The following LRP5 variants were observed in gnomAD, a reference collection of about 807,000 sequenced individuals.
LRP5 encodes the protein LDL receptor related protein 5.
In LRP5, 62 loss-of-function variants were observed where a neutral mutation model predicts 154.1. That is an observed-to-expected ratio of 0.40 (90% CI 0.33 to 0.50). The LOEUF (loss-of-function observed/expected upper bound fraction) is 0.50. Ranked by LOEUF, LRP5 falls within the 20% of genes least tolerant of loss-of-function variation. The pLI is 0.55. For synonymous variants in LRP5, 966 were observed against 1,011.5 expected, an observed-to-expected ratio of 0.96 and a Z score of 0.85; for missense variants, 1,915 against 2,336.7, an observed-to-expected ratio of 0.82 and a Z score of 3.72.
At position 68,410,067 on chromosome 11, in the gene LRP5, G is replaced by A. The variant is rs1206599136; in HGVS notation, c.2245G>A (p.Gly749Arg). Reference protein sequence around the residue: ...TNRIEVARLDGQFRQVLVWRD... With the variant: ...TNRIEVARLDRQFRQVLVWRD... The stretch of plus-strand genomic sequence containing the variant: ...CAGAATCGAAGTGGCGCGGCTGGAC[G>A]GGCAGTTCCGGCAAGTCCTCGTGTG... Residue 749 changes from glycine (G) to arginine (R), a missense_variant, in exon 10 of 23, where the codon GGG (glycine) becomes AGG (arginine). This residue lies in a region of LRP5 where 773 missense variants were observed against 1,100.9 expected (regional missense o/e 0.70). Coordinates refer to ENST00000294304, the MANE Select transcript of LRP5 (RefSeq NM_002335.4). 2 of 1,613,984 alleles carry A rather than the reference G, an allele frequency of 1.2e-6. No individual in the cohort carries two copies. The highest frequency in any genetic ancestry group is 1.1e-5 in the South Asian group (1 of 91,080).
At chr11:68,367,560 A>G (rs989518427) in intron 5 of LRP5, among the ~76,000 whole-genome samples, 2 of 152,160 alleles carry the variant, frequency 1.3e-5, no homozygotes, top group African/African-American at 4.8e-5. Flanking sequence ...GCCTTCTCAG[A>G]GTTTGTTTTC....
At chr11:68,426,987 C>G (rs2098669136) in intron 16 of LRP5, among the ~76,000 whole-genome samples, 1 of 152,202 alleles carries the variant, frequency 6.6e-6, no homozygotes, top group African/African-American at 2.4e-5. Context: ...CCGTGGCCCT[C>G]TCTGCCTCAG....
At chr11:68,421,557 A>G (rs942418552) in intron 13 of LRP5, among the ~76,000 whole-genome samples, 1 of 152,188 alleles carries the variant, frequency 6.6e-6, no homozygotes, top group African/African-American at 2.4e-5. Context: ...GAATTTGTTC[A>G]GTTGGCTTTG....
At chr11:68,309,502 G>A (rs530411391), upstream of LRP5, among the ~76,000 whole-genome samples, 4 of 151,844 alleles carry the variant, frequency 2.6e-5, no homozygotes, top group Non-Finnish European at 5.9e-5. Context: ...CAAAGTGCTG[G>A]GATTATAGGT....
chr11:68,433,788 G>A lies in LRP5; in HGVS notation c.3950G>A (p.Cys1317Tyr). Residue 1317 changes from cysteine (C) to tyrosine (Y), a missense_variant, in exon 18 of 23, where the codon TGC becomes TAC. This residue lies in a region of LRP5 where 1,094 missense variants were observed against 1,210.1 expected (regional missense o/e 0.90). Transcript: ENST00000294304. ...CAGTGTGTGGACCTGCGCCTGCGCT[G>A]CGACGGCGAGGCAGACTGTCAGGAC... Reference protein sequence around the residue: ...RGQCVDLRLRCDGEADCQDRS... With the variant: ...RGQCVDLRLRYDGEADCQDRS... 1.9e-6 allele frequency: 3 copies of A among 1,612,618 alleles called. No individual in the cohort carries two copies. The highest frequency in any genetic ancestry group is 2.5e-6 in the Non-Finnish European group (3 of 1,179,736).
At chr11:68,300,239 A>C in the LRP5 span, among the ~76,000 whole-genome samples, 1 of 148,928 alleles carries the variant, frequency 6.7e-6, no homozygotes, top group Non-Finnish European at 1.5e-5. Context: ...TTACAAGCTG[A>C]GGAGATGGAG....
Position 68,413,627 on chromosome 11 carries a change from G to T in LRP5, c.2504-62G>T. ...TGAACCCTGGCTCACCCCGCAGGGCGCCGTGTGCTCTGTGGCCTGGCTGTG... is the reference window on the plus strand; with the variant it reads ...TGAACCCTGGCTCACCCCGCAGGGCTCCGTGTGCTCTGTGGCCTGGCTGTG... On this transcript the variant is annotated intron_variant, in intron 11 of 22. Coordinates refer to ENST00000294304, the MANE Select transcript of LRP5 (RefSeq NM_002335.4). This position sits in a 1 kb window ranked among gnomAD's most constrained non-coding sequence, Gnocchi z 5.1. 1 of 1,473,664 alleles carries T rather than the reference G, an allele frequency of 6.8e-7. No homozygotes were observed. The allele number at this position is 1,473,664 out of a possible 1,614,324, so 91.3% of individuals were successfully genotyped here. A position where few individuals can be genotyped will look rare whatever the true frequency, so the allele number is the denominator to read the frequency against.
intron 21 of LRP5, 86 bp downstream of exon 21, chr11:68,440,002 G>T: frequency 7.8e-7 from 1 of 1,283,110 alleles, no homozygotes; most frequent in Non-Finnish European, 1.0e-6. Flanking sequence ...AGGCTTCCCG[G>T]GTTCCTGGGG....
At chr11:68,409,051 G>GAAAAA (rs57069059) in intron 9 of LRP5, among the ~76,000 whole-genome samples, 3 of 51,420 alleles carry the variant, frequency 5.8e-5, no homozygotes, top group African/African-American at 2.7e-4. Flanking sequence ...CTTATCTGGG[G>GAAAAA]AAAAAAAAAA....
rs1174352982 is a variant in LRP5 at position 68,357,670 on chromosome 11, G to T, written c.509G>T (p.Trp170Leu). ...CACAGGTACATGTACTGGACAGACT[G>T]GGGTGAGACGCCCCGGATTGAGCGG... ...PAHGYMYWTDWGETPRIERAG... is the reference protein window; with the variant it reads ...PAHGYMYWTDLGETPRIERAG... The change falls in exon 3 of 23, where the codon TGG becomes TTG. Residue 170 changes from tryptophan (W) to leucine (L), a missense_variant. This residue lies in a region of LRP5 where 773 missense variants were observed against 1,100.9 expected (regional missense o/e 0.70). Coordinates refer to ENST00000294304, the MANE Select transcript of LRP5 (RefSeq NM_002335.4). 6.2e-7 allele frequency: 1 copy of T among 1,614,080 alleles called. No homozygotes were observed. Among genetic ancestry groups the T allele is most frequent in the East Asian group, 2.2e-5 (1 of 44,886 alleles).
chr11:68,390,167 A>G (rs1290982914), intron 7 of LRP5, 115 bp downstream of exon 7: 7 of 1,284,584 alleles, frequency 5.4e-6, no homozygotes, highest in Admixed American at 2.0e-5. Flanking sequence ...ATTTGGCCAC[A>G]TGGAATGCTT....
At chr11:68,312,890 C>T (rs1245809396) in intron 1 of LRP5, 85 bp downstream of exon 1, 2 of 766,568 alleles carry the variant, frequency 2.6e-6, no homozygotes, top group Non-Finnish European at 3.2e-6. Flanking sequence ...CGGGCGCCGC[C>T]GCCGTCTCGG....
intron 1 of LRP5, among the ~76,000 whole-genome samples, chr11:68,332,688 A>G (rs1403786560): frequency 1.3e-5 from 2 of 152,026 alleles, no homozygotes; most frequent in African/African-American, 4.8e-5. Context: ...GACTTGGTCT[A>G]CTCTGGTGCG....
intron 21 of LRP5, among the ~76,000 whole-genome samples, chr11:68,444,152 G>A (rs137971999): frequency 2.2e-4 from 34 of 152,218 alleles, no homozygotes; most frequent in Non-Finnish European, 3.5e-4. Flanking sequence ...AGAAAGTTCC[G>A]TCTACAGGCT....
At chr11:68,396,382 T>G (rs1460910563) in intron 7 of LRP5, among the ~76,000 whole-genome samples, 2 of 151,926 alleles carry the variant, frequency 1.3e-5, no homozygotes, top group Non-Finnish European at 2.9e-5. Context: ...TTCCACGTGG[T>G]GGTGTGCGCA....
chr11:68,342,824 G>T (rs775009382), intron 1 of LRP5, among the ~76,000 whole-genome samples: 4 of 152,246 alleles, frequency 2.6e-5, no homozygotes, highest in Non-Finnish European at 4.4e-5. Flanking sequence ...GAACAGCCGA[G>T]AGTGTAAACC....
chr11:68,444,861 C>T (rs1435018841), intron 21 of LRP5, among the ~76,000 whole-genome samples: 1 of 152,018 alleles, frequency 6.6e-6, no homozygotes. Flanking sequence ...GAAGCATCTT[C>T]CCCAGTGCCC....
intron 5 of LRP5, among the ~76,000 whole-genome samples, chr11:68,382,830 C>T (rs2098640997): frequency 6.6e-6 from 1 of 152,028 alleles, no homozygotes; most frequent in East Asian, 1.9e-4. Context: ...GGGGCATCCT[C>T]ATAGCTCAAG....
At chr11:68,342,738 C>A (rs75656077) in intron 1 of LRP5, among the ~76,000 whole-genome samples, 1 of 152,194 alleles carries the variant, frequency 6.6e-6, no homozygotes, top group African/African-American at 2.4e-5. Flanking sequence ...GCTCTCCTGG[C>A]CTCCCCCGGT....
Sources: allele counts gnomAD v4.1 joint callset (sites outside exome capture counted in the v4.1 genomes callset), GRCh38; gene constraint gnomAD v4.1.1; regional missense constraint gnomAD v4.1.1; non-coding constraint Gnocchi (gnomAD v3.1); transcripts MANE v1.5; gene names NCBI Gene and HGNC (gene_info 2026-07-23, HGNC 2026-07-21).